The following KCTD1 variants were observed in gnomAD, a reference collection of about 807,000 sequenced individuals.
KCTD1 encodes BTB/POZ domain-containing protein KCTD1.
In KCTD1, 24 loss-of-function variants were observed where a neutral mutation model predicts 66.0. The observed-to-expected ratio is 0.36, with a 90% CI of 0.26 to 0.51. The LOEUF is 0.51. Ranked by LOEUF, KCTD1 falls within the 20% of genes least tolerant of loss-of-function variation. The pLI is 0.95. For synonymous variants in KCTD1, 511 were observed against 517.2 expected (o/e 0.99, Z 0.16); for missense variants, 943 against 1,205.2 (o/e 0.78, Z 3.22).
At chr18:26,638,197 A>G (rs140686893) in intron 1 of KCTD1, among the ~76,000 whole-genome samples, 1 of 152,328 alleles carries the variant, frequency 6.6e-6, no homozygotes, top group East Asian at 1.9e-4. Context: ...TCATTTATCC[A>G]GAAACTCCCA....
At chr18:26,466,793 A>G (rs1023651555) in intron 3 of KCTD1, among the ~76,000 whole-genome samples, 3 of 152,188 alleles carry the variant, frequency 2.0e-5, no homozygotes, top group Non-Finnish European at 4.4e-5. Flanking sequence ...ATTCTCCCCA[A>G]CAAGTCTAAC....
intron 1 of KCTD1, among the ~76,000 whole-genome samples, chr18:26,574,034 G>T (rs1050763519): frequency 2.0e-5 from 3 of 152,160 alleles, no homozygotes; most frequent in African/African-American, 7.2e-5. Flanking sequence ...ACTGACACGT[G>T]TTGGCCATAC....
intron 1 of KCTD1, among the ~76,000 whole-genome samples, chr18:26,572,721 G>GC (rs1441649336): frequency 2.0e-5 from 3 of 152,132 alleles, no homozygotes; most frequent in African/African-American, 7.2e-5. Flanking sequence ...TTCAGGAACT[G>GC]CCCCCCATGG....
chr18:26,548,360 TTCCTCCTCC>T lies in KCTD1; in HGVS notation c.168_176del (p.Glu61_Glu63del). ...CCTGGATCTCGTCCTCCTCCTCCTC[TTCCTCCTCC>T]TCCTCGCCCGCGCTGCAGTAGTGCG... On this transcript the variant is annotated inframe_deletion, in exon 1 of 5. Coordinates refer to ENST00000580059, the MANE Select transcript of KCTD1 (RefSeq NM_001142730.3). The T allele has an allele frequency of 6.8e-7, 1 of 1,477,230 alleles. No homozygotes were observed. Among genetic ancestry groups the T allele is most frequent in the South Asian group, 1.3e-5 (1 of 76,710 alleles). The allele number at this position is 1,477,230 out of a possible 1,614,324, so 91.5% of individuals were successfully genotyped here. A position where few individuals can be genotyped will look rare whatever the true frequency, so the allele number is the denominator to read the frequency against.
intron 1 of KCTD1, among the ~76,000 whole-genome samples, chr18:26,605,498 A>T (rs1568007368): frequency 6.6e-6 from 1 of 152,126 alleles, no homozygotes; most frequent in Non-Finnish European, 1.5e-5. Context: ...TCTTTTCTGA[A>T]ATAAATATGT....
At chr18:26,604,741 G>A (rs1342961570) in intron 1 of KCTD1, among the ~76,000 whole-genome samples, 1 of 152,170 alleles carries the variant, frequency 6.6e-6, no homozygotes, top group Admixed American at 6.5e-5. Context: ...CTACTTGAGG[G>A]TGAAGGGTGG....
upstream of KCTD1, chr18:26,549,408 G>A (rs1452564489): frequency 6.1e-6 from 6 of 985,472 alleles, no homozygotes; most frequent in African/African-American, 1.7e-5. Flanking sequence ...GCTCCCCGTA[G>A]GTCTGGGGCA....
intron 3 of KCTD1, among the ~76,000 whole-genome samples, chr18:26,473,872 T>C (rs1981205293): frequency 6.6e-6 from 1 of 152,190 alleles, no homozygotes; most frequent in African/African-American, 2.4e-5. Flanking sequence ...CTCTCTATTT[T>C]CTTGCCAATT....
intron 1 of KCTD1, among the ~76,000 whole-genome samples, chr18:26,504,073 C>CT (rs549375234): frequency 7.9e-5 from 12 of 151,206 alleles, no homozygotes; most frequent in Non-Finnish European, 1.8e-4. Context: ...ATTGTAAGAA[C>CT]TTTTTTTTTA....
At chr18:26,629,631 T>C (rs1167002304), upstream of KCTD1, among the ~76,000 whole-genome samples, 1 of 151,842 alleles carries the variant, frequency 6.6e-6, no homozygotes, top group Middle Eastern at 3.4e-3. Context: ...AGGAGAAAAA[T>C]GGACGAGGCA....
At chr18:26,549,724 C>T, upstream of KCTD1, 1 of 985,394 alleles carries the variant, frequency 1.0e-6, no homozygotes, top group Middle Eastern at 5.2e-4. Context: ...GGAGCGCACT[C>T]TCACTCAAAG....
chr18:26,532,261 C>CTTTTTT lies in KCTD1; in HGVS notation c.1809+14461_1809+14466dup, dbSNP rs533359603. On this transcript the variant is annotated intron_variant, in intron 1 of 4. Coordinates refer to ENST00000580059, the MANE Select transcript of KCTD1 (RefSeq NM_001142730.3). Reference sequence around the variant, plus strand: ...CTTTTTCTTTTTCTTTTCTTTCCTTCTTTTTTTTTTTTTTTTTTTTTTTTT... The same window carrying CTTTTTT: ...CTTTTTCTTTTTCTTTTCTTTCCTTCTTTTTTTTTTTTTTTTTTTTTTTTTTTTTTT... Among the ~76,000 whole-genome samples the CTTTTTT allele has an allele frequency of 6.0e-3, 178 of 29,544 alleles. 5 individuals are homozygous for CTTTTTT. The highest frequency in any genetic ancestry group is 9.2e-3 in the African/African-American group (141 of 15,380). The allele number at this position is 29,544 out of a possible 152,430, so 19.4% of individuals were successfully genotyped here.
chr18:26,612,585 A>C (rs1419997782), intron 1 of KCTD1, among the ~76,000 whole-genome samples: 4 of 152,202 alleles, frequency 2.6e-5, no homozygotes. Context: ...CCCAGAAGCT[A>C]GGAAAGAGGC....
At chr18:26,605,410 T>A (rs571021992) in intron 1 of KCTD1, among the ~76,000 whole-genome samples, 1 of 152,346 alleles carries the variant, frequency 6.6e-6, no homozygotes, top group East Asian at 1.9e-4. Flanking sequence ...TCACCTGAAT[T>A]ACTATGGTAC....
intron 2 of KCTD1, among the ~76,000 whole-genome samples, chr18:26,489,969 G>A (rs2144646101): frequency 6.6e-6 from 1 of 152,296 alleles, no homozygotes; most frequent in South Asian, 2.1e-4. Context: ...GGTATGATAA[G>A]GGTAGACTCG....
intron 2 of KCTD1, among the ~76,000 whole-genome samples, chr18:26,499,046 G>A (rs1472343795): frequency 1.3e-5 from 2 of 152,220 alleles, no homozygotes; most frequent in South Asian, 2.1e-4. Context: ...TAGTTACAAT[G>A]AGCATAGAAG....
At chr18:26,616,090 C>T (rs1987244456) in intron 1 of KCTD1, among the ~76,000 whole-genome samples, 1 of 151,994 alleles carries the variant, frequency 6.6e-6, no homozygotes, top group Non-Finnish European at 1.5e-5. Context: ...TGCACCAGGC[C>T]CACTAGTGCT....
rs1195180848 is a variant in KCTD1, at chr18:26,455,529, A to G, written c.*214T>C. The G allele has an allele frequency of 6.7e-6, 2 of 298,886 alleles. No homozygotes were observed. The highest frequency in any genetic ancestry group is 1.2e-5 in the Non-Finnish European group (2 of 170,152). 18.5% of individuals were successfully genotyped at this position (298,886 alleles called of 1,614,324 possible). On this transcript the variant is annotated 3_prime_UTR_variant, in exon 5 of 5. Coordinates refer to ENST00000580059, the MANE Select transcript of KCTD1 (RefSeq NM_001142730.3). ...GCATTTCCTACCTTTTGACATATATATATATATTTATATATTTTTTACACC... is the reference window on the plus strand; with the variant it reads ...GCATTTCCTACCTTTTGACATATATGTATATATTTATATATTTTTTACACC...
intron 1 of KCTD1, among the ~76,000 whole-genome samples, chr18:26,546,439 G>C (rs1985223243): frequency 6.6e-6 from 1 of 152,156 alleles, no homozygotes; most frequent in South Asian, 2.1e-4. Context: ...AATGAAGAGC[G>C]GCTGCAAGAG....
Sources: allele counts gnomAD v4.1 joint callset (sites outside exome capture counted in the v4.1 genomes callset), GRCh38; gene constraint gnomAD v4.1.1; transcripts MANE v1.5; gene names NCBI Gene and HGNC (gene_info 2026-07-23, HGNC 2026-07-21).